The following DLGAP2 variants were observed in gnomAD, a reference collection of about 807,000 sequenced individuals.
DLGAP2 encodes the protein disks large-associated protein 2.
DLGAP2 carries 26 observed loss-of-function variants against 100.3 expected under a neutral mutation model. The ratio of observed to expected loss-of-function variants is 0.26; its 90% CI spans 0.19 to 0.36. The LOEUF is 0.36. DLGAP2 is among the 10% of genes least tolerant of loss of function. The pLI, the probability that DLGAP2 is intolerant of heterozygous loss-of-function variation, is 1.00. For synonymous variants in DLGAP2, 886 were observed against 630.1 expected (o/e 1.41, Z -6.08); for missense variants, 1,858 against 1,453.2 (o/e 1.28, Z -4.53).
intron 1 of DLGAP2, among the ~76,000 whole-genome samples, chr8:849,140 A>T (rs571280703): frequency 4.1e-5 from 6 of 145,320 alleles, no homozygotes; most frequent in African/African-American, 1.5e-4. Context: ...GGATCATGTG[A>T]TGTGTGTTCC....
At chr8:1,577,535 T>A (rs1584947653) in intron 6 of DLGAP2, among the ~76,000 whole-genome samples, 2 of 128,636 alleles carry the variant, frequency 1.6e-5, no homozygotes, top group Admixed American at 9.0e-5. Context: ...GCCATTGCCC[T>A]CCAGCCTGGG....
rs368318221 is a variant in DLGAP2 at position 1,248,780 on chromosome 8, A to G, written c.74-10071A>G. 5 of 152,648 alleles carry G rather than the reference A, an allele frequency of 3.3e-5. No individual in the cohort carries two copies. The East Asian group carries it at 9.6e-4, about 29-fold the overall frequency. The allele number at this position is 152,648 out of a possible 1,614,324, so 9.5% of individuals were successfully genotyped here. On this transcript the variant is annotated intron_variant, in intron 2 of 14. Transcript: ENST00000637795. ...AGGTTCACTGTGCGGAGAAAGGTGA[A>G]TCGAAGAGGCTTCTGGGTCCGGACT...
intron 2 of DLGAP2, among the ~76,000 whole-genome samples, chr8:1,062,700 C>T: frequency 6.6e-6 from 1 of 152,160 alleles, no homozygotes. Flanking sequence ...AAGCACTCAT[C>T]TCTTGATAGT....
At position 1,703,967 on chromosome 8, in the gene DLGAP2, T is replaced by C. The variant is rs1286895758; in HGVS notation, c.*2561T>C. 1 of 152,630 alleles carries C rather than the reference T, an allele frequency of 6.6e-6. No homozygotes were observed. The highest frequency in any genetic ancestry group is 2.4e-5 in the African/African-American group (1 of 41,442). The allele number at this position is 152,630 out of a possible 1,614,324, so 9.5% of individuals were successfully genotyped here. ...TAGAACGGATACCTGCTGCTAGACC[T>C]GATGGAATGTTACCTGTCCGTGTTA... On this transcript the variant is annotated 3_prime_UTR_variant, in exon 15 of 15. Coordinates refer to ENST00000637795, the MANE Select transcript of DLGAP2 (RefSeq NM_001346810.2).
chr8:890,136 A>C (rs4735824), intron 1 of DLGAP2, among the ~76,000 whole-genome samples: 2 of 151,872 alleles, frequency 1.3e-5, no homozygotes, highest in African/African-American at 2.4e-5. Flanking sequence ...AAGGATTCAC[A>C]TGCTTATTTT....
chr8:1,448,065 G>A (rs1338186931), intron 3 of DLGAP2, among the ~76,000 whole-genome samples: 2 of 152,042 alleles, frequency 1.3e-5, no homozygotes, highest in Non-Finnish European at 2.9e-5. Flanking sequence ...TTTTTGAAGG[G>A]TTTTTTGTGT....
At chr8:1,638,325 G>C (rs1031540656) in intron 8 of DLGAP2, among the ~76,000 whole-genome samples, 9 of 152,100 alleles carry the variant, frequency 5.9e-5, no homozygotes, top group African/African-American at 2.2e-4. Context: ...ATAAGAAGAG[G>C]AGATGAGGAC....
At chr8:1,018,882 A>C (rs1234938599) in intron 2 of DLGAP2, 1 of 152,188 alleles carries the variant, frequency 6.6e-6, no homozygotes, top group Non-Finnish European at 1.5e-5. Flanking sequence ...CAGTTTGTGC[A>C]ATGACAAGCT....
chr8:1,251,135 G>A (rs540935365), intron 2 of DLGAP2, among the ~76,000 whole-genome samples: 1 of 152,268 alleles, frequency 6.6e-6, no homozygotes, highest in African/African-American at 2.4e-5. Context: ...CCTAACCCGT[G>A]CAACAAGCAA....
Position 1,504,523 on chromosome 8 carries a change from G to A in DLGAP2, c.172+3092G>A, listed in dbSNP as rs919507329. On this transcript the variant is annotated intron_variant, in intron 4 of 14. Transcript: ENST00000637795. ...ACTCCTCTTGTCTAACTGAAATGCT[G>A]CACCCTTCCGCCAACATCCTCCCAG... is the stretch of plus-strand genomic sequence containing the variant. Among the ~76,000 whole-genome samples the A allele has an allele frequency of 1.8e-4, 27 of 152,112 alleles. 1 individual carries two copies. Among genetic ancestry groups the A allele is most frequent in the African/African-American group, 6.0e-4 (25 of 41,408 alleles).
intron 1 of DLGAP2, among the ~76,000 whole-genome samples, chr8:838,478 A>G (rs1347555153): frequency 6.6e-6 from 1 of 152,028 alleles, no homozygotes; most frequent in Non-Finnish European, 1.5e-5. Context: ...GTGAACCACT[A>G]CTGTACATTG....
At chr8:1,439,632 G>A (rs1797769291) in intron 3 of DLGAP2, among the ~76,000 whole-genome samples, 1 of 152,116 alleles carries the variant, frequency 6.6e-6, no homozygotes, top group Non-Finnish European at 1.5e-5. Flanking sequence ...GCAGGCAGAA[G>A]GACGGAGTGC....
intron 2 of DLGAP2, among the ~76,000 whole-genome samples, chr8:1,198,859 G>C (rs940485077): frequency 5.3e-5 from 8 of 152,192 alleles, no homozygotes; most frequent in African/African-American, 1.9e-4. Flanking sequence ...TGGGGGTTAG[G>C]AGCTGCACCC....
At chr8:1,608,819 G>A (rs974352722) in intron 6 of DLGAP2, among the ~76,000 whole-genome samples, 3 of 150,810 alleles carry the variant, frequency 2.0e-5, no homozygotes, top group Admixed American at 2.0e-4. Context: ...ATGAAATGAA[G>A]CGAGAAGGGA....
At chr8:837,182 G>A (rs1415017544) in intron 1 of DLGAP2, among the ~76,000 whole-genome samples, 1 of 152,308 alleles carries the variant, frequency 6.6e-6, no homozygotes, top group South Asian at 2.1e-4. Flanking sequence ...GAGCGGATGC[G>A]CTCAGGCCTC....
intron 2 of DLGAP2, among the ~76,000 whole-genome samples, chr8:1,215,197 A>T (rs1798189585): frequency 6.6e-6 from 1 of 152,244 alleles, no homozygotes; most frequent in African/African-American, 2.4e-5. Context: ...AGGTAAACGA[A>T]ATCCCAAATA....
At position 1,701,382 on chromosome 8, in the gene DLGAP2, C is replaced by T. The variant is rs1799564641; in HGVS notation, c.3144C>T (p.Ile1048=). 2 of 1,596,228 alleles carry T rather than the reference C, an allele frequency of 1.3e-6. No homozygotes were observed. The highest frequency in any genetic ancestry group is 1.3e-5 in the African/African-American group (1 of 74,572). Residue 1048 remains isoleucine, a synonymous_variant, in exon 15 of 15, where the codon ATC becomes ATT. Coordinates refer to ENST00000637795, the MANE Select transcript of DLGAP2 (RefSeq NM_001346810.2). ...SERADSIEIY[I]PEAQTRL ...GCGCGGACAGCATCGAGATCTACAT[C>T]CCCGAGGCCCAGACCCGGCTCTGAG...
In DLGAP2 at chr8:1,029,220, C is replaced by T. The variant is rs144716373; in HGVS notation, c.73+121254C>T. 2.0e-3 allele frequency among the ~76,000 whole-genome samples: 312 copies of T among 152,242 alleles called. 3 individuals carry two copies. The highest frequency in any genetic ancestry group is 7.2e-3 in the African/African-American group (300 of 41,540). ...AAGTCCACAGAGCCTGCACTGGAAC[C>T]GCTTGGGAAAGATTCTTCCAGATTT... On this transcript the variant is annotated intron_variant, in intron 2 of 14. Coordinates refer to ENST00000637795, the MANE Select transcript of DLGAP2 (RefSeq NM_001346810.2).
intron 6 of DLGAP2, among the ~76,000 whole-genome samples, chr8:1,572,505 TTCTGG>T (rs1490393188): frequency 4.0e-5 from 5 of 125,240 alleles, no homozygotes; most frequent in Non-Finnish European, 6.6e-5. Context: ...TGGGGGCATC[TTCTGG>T]GATGGAGAGG....
Sources: gnomAD v4.1 joint callset for allele counts (sites outside exome capture counted in the v4.1 genomes callset) on GRCh38, gnomAD v4.1.1 for gene constraint, MANE v1.5 for transcripts, NCBI Gene and HGNC (gene_info 2026-07-23, HGNC 2026-07-21) for gene names.